Variants in PTGER1 observed in about 807,000 individuals in gnomAD.
The protein encoded by PTGER1 is prostaglandin E receptor 1.
A neutral mutation model predicts 18.5 loss-of-function variants in PTGER1; 15 were observed. The observed-to-expected ratio is 0.81, with a 90% CI of 0.54 to 1.25. PTGER1 has a LOEUF of 1.25. Among genes scored for constraint, PTGER1 ranks in the 50% most tolerant of loss-of-function variants. The pLI is 0.00. For missense variants in PTGER1, 567 were observed against 603.4 expected (o/e 0.94, Z 0.63); for synonymous variants, 339 against 308.4 (o/e 1.10, Z -1.04).
chr19:14,474,472 C>T lies in PTGER1; in HGVS notation c.-17-135G>A, dbSNP rs1347636809. 4.1e-6 allele frequency: 4 copies of T among 964,524 alleles called. No individual in the cohort carries two copies. The highest frequency in any genetic ancestry group is 1.4e-6 in the Non-Finnish European group (1 of 703,328). 59.7% of individuals were successfully genotyped at this position (964,524 alleles called of 1,614,324 possible). On this transcript the variant is annotated intron_variant, in intron 1 of 2. Coordinates refer to ENST00000292513, the MANE Select transcript of PTGER1 (RefSeq NM_000955.3). The surrounding 1 kb of genome is among the most constrained non-coding windows in gnomAD (Gnocchi z 5.4). ...GCGGCCCCTCTGCCCATGGCAGTTGCCATGGGCAACTCCAAATGACCTGGC... is the reference window on the plus strand; with the variant it reads ...GCGGCCCCTCTGCCCATGGCAGTTGTCATGGGCAACTCCAAATGACCTGGC...
chr19:14,474,771 T>C lies in PTGER1; in HGVS notation c.-17-434A>G, dbSNP rs541307142. On this transcript the variant is annotated intron_variant, in intron 1 of 2. Transcript: ENST00000292513. This position sits in a 1 kb window ranked among gnomAD's most constrained non-coding sequence, Gnocchi z 5.4. ...TACCTGACTTTCCCCATGTCAGCTT[T>C]ACTCCAGTCCCATCCTCGATGCCCC... is the stretch of plus-strand genomic sequence containing the variant. Among the ~76,000 whole-genome samples, 66 of 152,264 alleles carry C rather than the reference T, an allele frequency of 4.3e-4. No individual in the cohort carries two copies. Among genetic ancestry groups the C allele is most frequent in the South Asian group, 1.5e-3 (7 of 4,826 alleles).
Position 14,474,366 on chromosome 19 carries a change from G to T in PTGER1, c.-17-29C>A. 2 of 1,458,454 alleles carry T rather than the reference G, an allele frequency of 1.4e-6. No homozygotes were observed. Among genetic ancestry groups the T allele is most frequent in the Non-Finnish European group, 9.0e-7 (1 of 1,113,062 alleles). The allele number at this position is 1,458,454 out of a possible 1,614,324, so 90.3% of individuals were successfully genotyped here. ...GATAGAGGAGAGGAGGGCAGAGTGA[G>T]GCTGGCTGGGCCCGGGCGGGGACCA... On this transcript the variant is annotated intron_variant, in intron 1 of 2. Coordinates refer to ENST00000292513, the MANE Select transcript of PTGER1 (RefSeq NM_000955.3). This position sits in a 1 kb window ranked among gnomAD's most constrained non-coding sequence, Gnocchi z 5.4.
In PTGER1 at chr19:14,473,688, G is replaced by A. The variant is rs1392133504; in HGVS notation, c.633C>T (p.Gly211=). ...ALLAGLFASL[G]LVALLAALVC... ...CCAGCGCGGCGAGGAGCGCGACCAG[G>A]CCGAGGCTGGCGAAGAGGCCAGCAA... Residue 211 remains glycine, a synonymous_variant, in exon 2 of 3, where the codon GGC becomes GGT. Transcript: ENST00000292513. The surrounding 1 kb of genome is among the most constrained non-coding windows in gnomAD (Gnocchi z 7.1). 1 of 1,476,372 alleles carries A rather than the reference G, an allele frequency of 6.8e-7. No homozygotes were observed. Among genetic ancestry groups the A allele is most frequent in the South Asian group, 1.3e-5 (1 of 78,098 alleles). 91.5% of individuals were successfully genotyped at this position (1,476,372 alleles called of 1,614,324 possible). A position where few individuals can be genotyped will look rare whatever the true frequency, so the allele number is the denominator to read the frequency against.
Position 14,474,629 on chromosome 19 carries a change from G to A in PTGER1, c.-17-292C>T, listed in dbSNP as rs1380605423. ...TTCCTGCAAGATTCCCCCCAGCCCC[G>A]CCCTCAGGCATCTCTGCCAGTGCCT... On this transcript the variant is annotated intron_variant, in intron 1 of 2. Transcript: ENST00000292513. The surrounding 1 kb of genome is among the most constrained non-coding windows in gnomAD (Gnocchi z 5.4). Among the ~76,000 whole-genome samples the A allele has an allele frequency of 5.6e-5, 8 of 143,964 alleles. No homozygotes were observed. The East Asian group carries it at 1.0e-3, about 18-fold the overall frequency. The allele number at this position is 143,964 out of a possible 152,430, so 94.4% of individuals were successfully genotyped here.
In PTGER1 at chr19:14,473,317, G is replaced by A; in HGVS notation, c.942+62C>T. The A allele has an allele frequency of 6.5e-7, 1 of 1,537,266 alleles. No homozygotes were observed. The highest frequency in any genetic ancestry group is 1.4e-5 in the African/African-American group (1 of 72,798). ...CCCAGGTGTCCTGGGACGACAAAGG[G>A]CGGGAGGGTGCCGAGAGGGAGCGGG... On this transcript the variant is annotated intron_variant, in intron 2 of 2. Transcript: ENST00000292513. The surrounding 1 kb of genome is among the most constrained non-coding windows in gnomAD (Gnocchi z 7.1).
Position 14,473,612 on chromosome 19 carries a change from G to T in PTGER1, c.709C>A (p.Arg237Ser), listed in dbSNP as rs567385882. The T allele has an allele frequency of 1.1e-5, 16 of 1,462,386 alleles. 1 individual carries two copies. The highest frequency in any genetic ancestry group is 8.9e-7 in the Non-Finnish European group (1 of 1,117,898). The allele number at this position is 1,462,386 out of a possible 1,614,324, so 90.6% of individuals were successfully genotyped here. A position where few individuals can be genotyped will look rare whatever the true frequency, so the allele number is the denominator to read the frequency against. The change falls in exon 2 of 3, where the codon CGC becomes AGC. Residue 237 changes from arginine to serine, a missense_variant. Coordinates refer to ENST00000292513, the MANE Select transcript of PTGER1 (RefSeq NM_000955.3). This position sits in a 1 kb window ranked among gnomAD's most constrained non-coding sequence, Gnocchi z 7.1. ...LALLRARWRR[R>S]SRRPPPASGP... ...GAGGCCGGGGGAGGCCGTCGGGAGC[G>T]GCGTCGCCAGCGGGCGCGTAGCAGG...
rs1270622643 is a variant in PTGER1 at position 14,473,879 on chromosome 19, G to T, written c.442C>A (p.Arg148=). 7.2e-5 allele frequency: 92 copies of T among 1,271,860 alleles called. No homozygotes were observed. In the East Asian group the frequency reaches 3.1e-3, roughly 43 times the overall value. 78.8% of individuals were successfully genotyped at this position (1,271,860 alleles called of 1,614,324 possible). A position where few individuals can be genotyped will look rare whatever the true frequency, so the allele number is the denominator to read the frequency against. The stretch of plus-strand genomic sequence containing the variant: ...AGGCGCGCGCGGGCGACCGAGACCC[G>T]CGCGGCGTGGAGCAGCGGCCGCGTG... The part of the protein sequence containing the change: ...GVTRPLLHAA[R]VSVARARLAL... Residue 148 remains arginine, a synonymous_variant, in exon 2 of 3, where the codon CGG becomes AGG. Coordinates refer to ENST00000292513, the MANE Select transcript of PTGER1 (RefSeq NM_000955.3). The surrounding 1 kb of genome is among the most constrained non-coding windows in gnomAD (Gnocchi z 7.1).
At position 14,473,124 on chromosome 19, in the gene PTGER1, A is replaced by G. The variant is rs1165240260; in HGVS notation, c.942+255T>C. Among the ~76,000 whole-genome samples, 10 of 151,892 alleles carry G rather than the reference A, an allele frequency of 6.6e-5. No individual in the cohort carries two copies. Among genetic ancestry groups the G allele is most frequent in the Admixed American group, 4.6e-4 (7 of 15,260 alleles). On this transcript the variant is annotated intron_variant, in intron 2 of 2. Transcript: ENST00000292513. This position sits in a 1 kb window ranked among gnomAD's most constrained non-coding sequence, Gnocchi z 7.1. ...GCGCGGCGACTTATAACGGTGGGGC[A>G]GGAGAGGAGGCTTGTGTGGGTCGGG...
At position 14,473,363 on chromosome 19, in the gene PTGER1, C is replaced by G. The variant is rs751324122; in HGVS notation, c.942+16G>C. 2.6e-6 allele frequency: 4 copies of G among 1,560,504 alleles called. No homozygotes were observed. In the African/African-American group the frequency reaches 4.1e-5, roughly 16 times the overall value. ...GCGGGAAGGAGCGTGGCTCGAGGGGCCGGTGCGCCCCTCACCAGCATTGGG... is the reference window on the plus strand; with the variant it reads ...GCGGGAAGGAGCGTGGCTCGAGGGGGCGGTGCGCCCCTCACCAGCATTGGG... On this transcript the variant is annotated intron_variant, in intron 2 of 2. Transcript: ENST00000292513. The surrounding 1 kb of genome is among the most constrained non-coding windows in gnomAD (Gnocchi z 7.1).
At position 14,473,044 on chromosome 19, in the gene PTGER1, G is replaced by A. The variant is rs11668493; in HGVS notation, c.943-218C>T. Reference sequence around the variant, plus strand: ...GGGGTCCGGCCGTAGAGGAGTCTCAGGTGTCCCGGAAAGAGGAAAAGCAAG... The same window carrying A: ...GGGGTCCGGCCGTAGAGGAGTCTCAAGTGTCCCGGAAAGAGGAAAAGCAAG... On this transcript the variant is annotated intron_variant, in intron 2 of 2. Coordinates refer to ENST00000292513, the MANE Select transcript of PTGER1 (RefSeq NM_000955.3). The surrounding 1 kb of genome is among the most constrained non-coding windows in gnomAD (Gnocchi z 7.1). Among the ~76,000 whole-genome samples, 31,087 of 151,902 alleles carry A rather than the reference G, an allele frequency of 0.2. 3,680 individuals carry two copies. Among genetic ancestry groups the A allele is most frequent in the Non-Finnish European group, 0.28 (19,026 of 67,898 alleles).
chr19:14,473,461 C>A lies in PTGER1; in HGVS notation c.860G>T (p.Arg287Ile). ...GGSRSSGSARRARAHDVEMVG... is the reference protein window; with the variant it reads ...GGSRSSGSARIARAHDVEMVG... ...CATCTCCACGTCGTGGGCGCGAGCT[C>A]TGCGTGCCGAGCCGCTGCTCCGAGA... The change falls in exon 2 of 3, where the codon AGA becomes ATA. Residue 287 changes from arginine to isoleucine, a missense_variant. Arg to Ile is a moderately conservative substitution (Grantham distance 97, BLOSUM62 -3). Transcript: ENST00000292513. This position sits in a 1 kb window ranked among gnomAD's most constrained non-coding sequence, Gnocchi z 7.1. 6.3e-7 allele frequency: 1 copy of A among 1,588,740 alleles called. No homozygotes were observed. Among genetic ancestry groups the A allele is most frequent in the East Asian group, 2.3e-5 (1 of 43,052 alleles).
In PTGER1 at chr19:14,472,589, A is replaced by T; in HGVS notation, c.1180T>A (p.Ser394Thr). 1 of 1,595,404 alleles carries T rather than the reference A, an allele frequency of 6.3e-7. No individual in the cohort carries two copies. The highest frequency in any genetic ancestry group is 8.5e-7 in the Non-Finnish European group (1 of 1,173,392). ...AAGTGGCTGAGGCCGCTGTGCCGGG[A>T]GCTGCGCAGCGAGCTGGCCTCCCAG... ...SAWEASSLRS[S>T]RHSGLSHF The change falls in exon 3 of 3, where the codon TCC (serine) becomes ACC (threonine). Residue 394 changes from serine (S) to threonine (T), a missense_variant. Physicochemically the swap from Ser to Thr is moderately conservative, Grantham distance 58. Transcript: ENST00000292513.
rs1292215539 is a variant in PTGER1 at position 14,473,855 on chromosome 19, GGC to G, written c.464_465del (p.Arg155ProfsTer25). On this transcript the variant is annotated frameshift_variant, in exon 2 of 3. Transcript: ENST00000292513. LOFTEE classifies it high-confidence loss of function. This position sits in a 1 kb window ranked among gnomAD's most constrained non-coding sequence, Gnocchi z 7.1. The stretch of plus-strand genomic sequence containing the variant: ...ACCGCGGCCACCGCGGCCAGCGCCA[GGC>G]GCGCGCGGGCGACCGAGACCCGCGC... ...HAARVSVARARLALAAVAAVA... is the reference protein window; with the variant it reads ...HAARVSVARAXLALAAVAAVA... 1.6e-6 allele frequency: 2 copies of G among 1,227,256 alleles called. No individual in the cohort carries two copies. Among genetic ancestry groups the G allele is most frequent in the South Asian group, 3.6e-5 (1 of 27,960 alleles). The allele number at this position is 1,227,256 out of a possible 1,614,324, so 76.0% of individuals were successfully genotyped here.
At position 14,473,197 on chromosome 19, in the gene PTGER1, G is replaced by T. The variant is rs2071582086; in HGVS notation, c.942+182C>A. 6.6e-6 allele frequency among the ~76,000 whole-genome samples: 1 copy of T among 152,190 alleles called. No homozygotes were observed. The highest frequency in any genetic ancestry group is 1.5e-5 in the Non-Finnish European group (1 of 68,028). Reference sequence around the variant, plus strand: ...AGGAAGAGGAGAGGGGGGCTAGGAGGAAGGATGGGAGGTCAGATGGAGAAG... The same window carrying T: ...AGGAAGAGGAGAGGGGGGCTAGGAGTAAGGATGGGAGGTCAGATGGAGAAG... On this transcript the variant is annotated intron_variant, in intron 2 of 2. Transcript: ENST00000292513. This position sits in a 1 kb window ranked among gnomAD's most constrained non-coding sequence, Gnocchi z 7.1.
rs1190564970 is a variant in PTGER1, at chr19:14,473,356, C to G, written c.942+23G>C. The G allele has an allele frequency of 6.4e-7, 1 of 1,557,646 alleles. No homozygotes were observed. The highest frequency in any genetic ancestry group is 8.6e-7 in the Non-Finnish European group (1 of 1,156,878). ...AGAGGGAGCGGGAAGGAGCGTGGCT[C>G]GAGGGGCCGGTGCGCCCCTCACCAG... On this transcript the variant is annotated intron_variant, in intron 2 of 2. Coordinates refer to ENST00000292513, the MANE Select transcript of PTGER1 (RefSeq NM_000955.3). The surrounding 1 kb of genome is among the most constrained non-coding windows in gnomAD (Gnocchi z 7.1).
In PTGER1 at chr19:14,474,064, G is replaced by C; in HGVS notation, c.257C>G (p.Ala86Gly). Residue 86 changes from alanine to glycine, a missense_variant, in exon 2 of 3, where the codon GCG becomes GGG. Ala to Gly is a moderately conservative substitution (Grantham distance 60). Coordinates refer to ENST00000292513, the MANE Select transcript of PTGER1 (RefSeq NM_000955.3). The surrounding 1 kb of genome is among the most constrained non-coding windows in gnomAD (Gnocchi z 5.4). ...FVASLLATDL[A>G]GHVIPGALVL... ...CAGCGCGCCCGGGATCACGTGGCCC[G>C]CCAGGTCGGTGGCCAGCAGGCTGGC... The C allele has an allele frequency of 1.3e-6, 2 of 1,494,408 alleles. No individual in the cohort carries two copies. The highest frequency in any genetic ancestry group is 2.1e-5 in the Admixed American group (1 of 46,898). The allele number at this position is 1,494,408 out of a possible 1,614,324, so 92.6% of individuals were successfully genotyped here. A position where few individuals can be genotyped will look rare whatever the true frequency, so the allele number is the denominator to read the frequency against.
chr19:14,473,922 C>T lies in PTGER1; in HGVS notation c.399G>A (p.Val133=). 1 of 1,446,410 alleles carries T rather than the reference C, an allele frequency of 6.9e-7. No individual in the cohort carries two copies. The highest frequency in any genetic ancestry group is 9.1e-7 in the Non-Finnish European group (1 of 1,103,430). 89.6% of individuals were successfully genotyped at this position (1,446,410 alleles called of 1,614,324 possible). The change falls in exon 2 of 3, where the codon GTG becomes GTA. Residue 133 remains valine (V), a synonymous_variant. Transcript: ENST00000292513. The surrounding 1 kb of genome is among the most constrained non-coding windows in gnomAD (Gnocchi z 7.1). ...CPLLLGCGMA[V]ERCVGVTRPL... is the part of the protein sequence containing the mutation. Reference sequence around the variant, plus strand: ...GCCGCGTGACGCCCACGCAGCGCTCCACGGCCATGCCACAGCCCAGCAGCA... The same window carrying T: ...GCCGCGTGACGCCCACGCAGCGCTCTACGGCCATGCCACAGCCCAGCAGCA...
intron 2 of PTGER1, 64 bp from the exon 3 acceptor site, chr19:14,472,890 G>C: frequency 6.8e-7 from 1 of 1,467,070 alleles, no homozygotes; most frequent in Non-Finnish European, 9.1e-7. Context: ...AGGGATGGTG[G>C]GGGCGTGGCT....
Position 14,472,636 on chromosome 19 carries a change from C to T in PTGER1, c.1133G>A (p.Gly378Glu). 2 of 1,606,574 alleles carry T rather than the reference C, an allele frequency of 1.2e-6. No homozygotes were observed. The highest frequency in any genetic ancestry group is 1.7e-5 in the Admixed American group (1 of 59,294). The change falls in exon 3 of 3, where the codon GGG becomes GAG. Residue 378 changes from glycine to glutamate, a missense_variant. Transcript: ENST00000292513. ...PRAGAKGGPAGLGLTPSAWEA... is the reference protein window; with the variant it reads ...PRAGAKGGPAELGLTPSAWEA... ...CCAGGCGCTCGGTGTTAGGCCCAGC[C>T]CCGCGGGGCCGCCCTTGGCTCCGGC... is the stretch of plus-strand genomic sequence containing the variant.
Sources: gnomAD v4.1 joint callset for allele counts (sites outside exome capture counted in the v4.1 genomes callset) on GRCh38, gnomAD v4.1.1 for gene constraint, Gnocchi (gnomAD v3.1) non-coding constraint, MANE v1.5 for transcripts, NCBI Gene and HGNC (gene_info 2026-07-23, HGNC 2026-07-21) for gene names.